RCAN1: variants seen among roughly 807,000 people sequenced by gnomAD.
The protein encoded by RCAN1 is calcipressin-1.
In RCAN1, 11 loss-of-function variants were observed where a neutral mutation model predicts 22.9. That is an observed-to-expected ratio of 0.48 (90% CI 0.30 to 0.79). The LOEUF (loss-of-function observed/expected upper bound fraction) is 0.79. RCAN1 is among the 30% of genes least tolerant of loss of function. The probability of loss-of-function intolerance (pLI) is 0.06; values close to 1 mark genes in which losing one functional copy is unlikely to be tolerated. For synonymous variants in RCAN1, 136 were observed against 142.3 expected (o/e 0.96, Z 0.32); for missense variants, 291 against 337.8 (o/e 0.86, Z 1.09).
intron 1 of RCAN1, among the ~76,000 whole-genome samples, chr21:34,602,996 G>C (rs1376388862): frequency 6.6e-6 from 1 of 152,146 alleles, no homozygotes; most frequent in Admixed American, 6.5e-5. Context: ...GCAGGGAATA[G>C]GTCCACTCAG....
chr21:34,536,653 C>G (rs1216227579), intron 1 of RCAN1, among the ~76,000 whole-genome samples: 1 of 149,428 alleles, frequency 6.7e-6, no homozygotes, highest in Non-Finnish European at 1.5e-5. Context: ...AGTGAGGGGT[C>G]CAGGCACACA....
rs531169410 is a variant in RCAN1, at chr21:34,519,777, G to A, written c.587-1521C>T. On this transcript the variant is annotated intron_variant, in intron 3 of 3. Transcript: ENST00000313806. ...TGTGTGATTTCCGCCCGACAAGAGC[G>A]GCCCAGGAGAGCTTCCTACCTCCAG... is the stretch of plus-strand genomic sequence containing the variant. Among the ~76,000 whole-genome samples the A allele has an allele frequency of 1.1e-4, 17 of 152,232 alleles. No homozygotes were observed. In the South Asian group the frequency reaches 2.9e-3, roughly 26 times the overall value.
chr21:34,571,280 C>T (rs536501090), intron 1 of RCAN1, among the ~76,000 whole-genome samples: 10 of 152,078 alleles, frequency 6.6e-5, no homozygotes, highest in South Asian at 6.3e-4. Context: ...GCAACAAGAG[C>T]GAAACTCCAT....
intron 1 of RCAN1, among the ~76,000 whole-genome samples, chr21:34,570,171 A>C (rs1318583007): frequency 6.6e-6 from 1 of 152,250 alleles, no homozygotes; most frequent in Non-Finnish European, 1.5e-5. Context: ...TTTAAAAACC[A>C]TCCAGTCTAG....
intron 1 of RCAN1, among the ~76,000 whole-genome samples, chr21:34,578,295 C>T (rs1003504504): frequency 6.6e-6 from 1 of 152,188 alleles, no homozygotes; most frequent in African/African-American, 2.4e-5. Context: ...ATAACGCCCT[C>T]CATATTAAAT....
At chr21:34,525,486 T>C (rs1984983819) in intron 1 of RCAN1, 1 of 1,140,904 alleles carries the variant, frequency 8.8e-7, no homozygotes. Flanking sequence ...TGTGTCTTCG[T>C]ACATTTGGAA....
chr21:34,589,709 A>AT (rs555897266), intron 1 of RCAN1, among the ~76,000 whole-genome samples: 2 of 151,482 alleles, frequency 1.3e-5, no homozygotes, highest in Non-Finnish European at 2.9e-5. Context: ...GGAGAACAAA[A>AT]GGGGGGAGTC....
chr21:34,614,641 G>A lies in RCAN1; in HGVS notation c.252+119C>T. The A allele has an allele frequency of 2.7e-6, 3 of 1,121,740 alleles. No individual in the cohort carries two copies. Among genetic ancestry groups the A allele is most frequent in the Non-Finnish European group, 3.3e-6 (3 of 909,520 alleles). 69.5% of individuals were successfully genotyped at this position (1,121,740 alleles called of 1,614,324 possible). On this transcript the variant is annotated intron_variant, in intron 1 of 3. Coordinates refer to ENST00000313806, the MANE Select transcript of RCAN1 (RefSeq NM_004414.7). The surrounding 1 kb of genome is among the most constrained non-coding windows in gnomAD (Gnocchi z 6.0). ...CGGGTCCGCGGCCGAGCAGCCCGGG[G>A]GACGTCGCTGCCTCCCCGCCCCGCG...
chr21:34,598,928 G>GC (rs1042617464), intron 1 of RCAN1, among the ~76,000 whole-genome samples: 2 of 152,164 alleles, frequency 1.3e-5, no homozygotes, highest in Non-Finnish European at 2.9e-5. Flanking sequence ...TTAAGGAAAA[G>GC]CAAATTCAAA....
intron 3 of RCAN1, among the ~76,000 whole-genome samples, chr21:34,520,079 T>C (rs1317492649): frequency 6.6e-6 from 1 of 152,126 alleles, no homozygotes; most frequent in Non-Finnish European, 1.5e-5. Flanking sequence ...GGACCATAAT[T>C]TGCAAAATCT....
rs1044894354 is a variant in RCAN1, at chr21:34,517,512, A to G, written c.*572T>C. 1.3e-5 allele frequency: 2 copies of G among 152,268 alleles called. No individual in the cohort carries two copies. Among genetic ancestry groups the G allele is most frequent in the African/African-American group, 4.8e-5 (2 of 41,470 alleles). The allele number at this position is 152,268 out of a possible 1,614,324, so 9.4% of individuals were successfully genotyped here. A position where few individuals can be genotyped will look rare whatever the true frequency, so the allele number is the denominator to read the frequency against. On this transcript the variant is annotated 3_prime_UTR_variant, in exon 4 of 4. Coordinates refer to ENST00000313806, the MANE Select transcript of RCAN1 (RefSeq NM_004414.7). Reference sequence around the variant, plus strand: ...TTTCCTGGCTTCCCAAAAGATGTAAAACAACAACGGTGTAACTTTATATAC... The same window carrying G: ...TTTCCTGGCTTCCCAAAAGATGTAAGACAACAACGGTGTAACTTTATATAC...
At chr21:34,603,282 C>T (rs780464822) in intron 1 of RCAN1, among the ~76,000 whole-genome samples, 2 of 152,152 alleles carry the variant, frequency 1.3e-5, no homozygotes, top group Admixed American at 1.3e-4. Flanking sequence ...CAAAGCTCTC[C>T]GGCCCCTCCA....
At chr21:34,522,625 G>A (rs1444179792) in intron 2 of RCAN1, 1 of 151,828 alleles carries the variant, frequency 6.6e-6, no homozygotes, top group African/African-American at 2.4e-5. Flanking sequence ...AAGACACTTT[G>A]GCTCTCTGGC....
At chr21:34,558,663 A>T (rs1023957824) in intron 1 of RCAN1, among the ~76,000 whole-genome samples, 4 of 152,204 alleles carry the variant, frequency 2.6e-5, no homozygotes, top group Non-Finnish European at 4.4e-5. Context: ...TGAATTGTAG[A>T]GTTTTACTCT....
chr21:34,527,678 G>A (rs946909784), intron 1 of RCAN1, among the ~76,000 whole-genome samples: 1 of 152,200 alleles, frequency 6.6e-6, no homozygotes, highest in Non-Finnish European at 1.5e-5. Context: ...ACTGAGCAAA[G>A]AAGCATTAAC....
At chr21:34,600,310 C>A (rs1988290096) in intron 1 of RCAN1, among the ~76,000 whole-genome samples, 1 of 152,180 alleles carries the variant, frequency 6.6e-6, no homozygotes, top group Non-Finnish European at 1.5e-5. Context: ...AGATAGGAAC[C>A]ATCACAAGTT....
chr21:34,525,295 T>C (rs1439100831), intron 1 of RCAN1: 3 of 1,542,900 alleles, frequency 1.9e-6, no homozygotes, highest in Non-Finnish European at 2.6e-6. Context: ...ACCTACGACC[T>C]TGCTCTCCTT....
chr21:34,609,887 C>T (rs80324566), intron 1 of RCAN1, among the ~76,000 whole-genome samples: 8,917 of 152,252 alleles, frequency 0.059, 340 homozygotes, highest in East Asian at 0.16. Context: ...AAATAAACTT[C>T]GCACATATGT....
At chr21:34,525,463 T>C in intron 1 of RCAN1, 1 of 1,320,826 alleles carries the variant, frequency 7.6e-7, no homozygotes, top group East Asian at 2.6e-5. Context: ...CACGGGCAAG[T>C]TTCTGGCAAA....
Sources: gnomAD v4.1 joint callset for allele counts (sites outside exome capture counted in the v4.1 genomes callset) on GRCh38, gnomAD v4.1.1 for gene constraint, Gnocchi (gnomAD v3.1) non-coding constraint, MANE v1.5 for transcripts, NCBI Gene and HGNC (gene_info 2026-07-23, HGNC 2026-07-21) for gene names.